GFRA1: variants seen among roughly 807,000 people sequenced by gnomAD.
GFRA1 encodes GDNF family receptor alpha-1.
Under a neutral mutation model 51.6 loss-of-function variants are expected in GFRA1, and 16 were observed. The ratio of observed to expected loss-of-function variants is 0.31; its 90% CI spans 0.21 to 0.47. The LOEUF (loss-of-function observed/expected upper bound fraction) is 0.47, where lower values mean the gene tolerates loss of function less well. Among genes scored for constraint, GFRA1 ranks in the 20% least tolerant of loss-of-function variants. The pLI, the probability that GFRA1 is intolerant of heterozygous loss-of-function variation, is 1.00. For synonymous variants in GFRA1, 270 were observed against 241.3 expected, an observed-to-expected ratio of 1.12 and a Z score of -1.10; for missense variants, 530 against 594.3, an observed-to-expected ratio of 0.89 and a Z score of 1.13.
chr10:116,232,696 A>G (rs1394579692), intron 4 of GFRA1, among the ~76,000 whole-genome samples: 1 of 152,204 alleles, frequency 6.6e-6, no homozygotes, highest in Admixed American at 6.5e-5. Flanking sequence ...ACATATTTTA[A>G]TCATTAAACT....
intron 5 of GFRA1, among the ~76,000 whole-genome samples, chr10:116,199,637 T>C (rs1169124788): frequency 1.3e-5 from 2 of 152,322 alleles, no homozygotes; most frequent in Middle Eastern, 3.4e-3. Flanking sequence ...CATTTCAAAA[T>C]AAATGGCAGA....
chr10:116,065,545 A>C, intron 10 of GFRA1, 28 bp downstream of exon 10: 1 of 1,588,754 alleles, frequency 6.3e-7, no homozygotes, highest in South Asian at 1.1e-5. Flanking sequence ...CTATAAATGC[A>C]CGAAGCCTCC....
rs959515725 is a variant in GFRA1 at position 116,226,236 on chromosome 10, T to C, written c.419-14591A>G. ...CCCTCTGCCAACTGGATCCTTGAAC[T>C]AGGGTAGAAGATGGTCGGCATGGCC... On this transcript the variant is annotated intron_variant, in intron 4 of 10. Coordinates refer to ENST00000355422, the MANE Select transcript of GFRA1 (RefSeq NM_005264.8). Among the ~76,000 whole-genome samples the C allele has an allele frequency of 2.0e-5, 3 of 152,160 alleles. No homozygotes were observed. In the East Asian group the frequency reaches 5.8e-4, roughly 29 times the overall value.
chr10:116,211,841 C>T (rs1415371868), intron 4 of GFRA1, among the ~76,000 whole-genome samples, 196 bp from the exon 5 acceptor site: 2 of 152,180 alleles, frequency 1.3e-5, no homozygotes, highest in Non-Finnish European at 2.9e-5. Context: ...GCATTTCAAT[C>T]CTGGCCTCAC....
At chr10:116,186,146 C>T (rs1000156321) in intron 5 of GFRA1, among the ~76,000 whole-genome samples, 5 of 152,142 alleles carry the variant, frequency 3.3e-5, no homozygotes, top group Admixed American at 1.3e-4. Flanking sequence ...AGAGTGGCAG[C>T]ACAGGGAGGA....
At chr10:116,189,226 G>A (rs761760352) in intron 5 of GFRA1, among the ~76,000 whole-genome samples, 3 of 151,970 alleles carry the variant, frequency 2.0e-5, no homozygotes, top group Non-Finnish European at 2.9e-5. Context: ...CTTCCCCCAC[G>A]AAGGGCAACT....
chr10:116,211,864 T>A (rs1157114956), intron 4 of GFRA1, among the ~76,000 whole-genome samples: 1 of 152,192 alleles, frequency 6.6e-6, no homozygotes, highest in Non-Finnish European at 1.5e-5. Context: ...TTACTAACTC[T>A]GTGACTTACA....
intron 5 of GFRA1, among the ~76,000 whole-genome samples, chr10:116,130,848 T>C (rs1400355412): frequency 6.6e-6 from 1 of 151,926 alleles, no homozygotes; most frequent in Admixed American, 6.6e-5. Context: ...CATAAGATAA[T>C]CTTGGAGCTA....
chr10:116,159,023 C>T (rs1251566864), intron 5 of GFRA1, among the ~76,000 whole-genome samples: 1 of 152,230 alleles, frequency 6.6e-6, no homozygotes, highest in Admixed American at 6.5e-5. Flanking sequence ...CTTTACCATC[C>T]TCTAAGTCAT....
At chr10:116,151,173 T>C (rs1023725971) in intron 5 of GFRA1, among the ~76,000 whole-genome samples, 2 of 152,296 alleles carry the variant, frequency 1.3e-5, no homozygotes, top group African/African-American at 4.8e-5. Context: ...GGAACAGATA[T>C]CAAGGCAAGC....
At chr10:116,090,903 T>TTAAG (rs1196461227) in intron 8 of GFRA1, among the ~76,000 whole-genome samples, 1 of 152,194 alleles carries the variant, frequency 6.6e-6, no homozygotes, top group African/African-American at 2.4e-5. Context: ...TTGTTATCCT[T>TTAAG]TAAGTTCAGT....
Position 116,057,860 on chromosome 10 carries a change from C to T in GFRA1, c.*6538G>A, listed in dbSNP as rs1167005444. ...CAAACTGATTTGGTTCTGCGATTTC[C>T]ATTCTCCTCTCCACATCCGAGAAAT... On this transcript the variant is annotated 3_prime_UTR_variant, in exon 11 of 11. Transcript: ENST00000355422. The T allele has an allele frequency of 6.6e-6, 1 of 151,764 alleles. No homozygotes were observed. Among genetic ancestry groups the T allele is most frequent in the Admixed American group, 6.6e-5 (1 of 15,250 alleles). The allele number at this position is 151,764 out of a possible 1,614,324, so 9.4% of individuals were successfully genotyped here. A position where few individuals can be genotyped will look rare whatever the true frequency, so the allele number is the denominator to read the frequency against.
rs529247195 is a variant in GFRA1, at chr10:116,270,992, C to G, written c.164G>C (p.Gly55Ala). 1 of 1,614,226 alleles carries G rather than the reference C, an allele frequency of 6.2e-7. No individual in the cohort carries two copies. Among genetic ancestry groups the G allele is most frequent in the Non-Finnish European group, 8.5e-7 (1 of 1,180,048 alleles). Residue 55 changes from glycine (G) to alanine (A), a missense_variant, in exon 3 of 11, where the codon GGC becomes GCC. By Grantham distance (60) the Gly-to-Ala change is moderately conservative (BLOSUM62 0). Coordinates refer to ENST00000355422, the MANE Select transcript of GFRA1 (RefSeq NM_005264.8). Reference protein sequence around the residue: ...KYRTLRQCVAGKETNFSLASG... With the variant: ...KYRTLRQCVAAKETNFSLASG... Reference sequence around the variant, plus strand: ...TGCCAGGCTGAAGTTGGTCTCCTTGCCCGCCACGCACTGCCTTAGCGTGCG... The same window carrying G: ...TGCCAGGCTGAAGTTGGTCTCCTTGGCCGCCACGCACTGCCTTAGCGTGCG...
At chr10:116,203,117 C>T (rs997334225) in intron 5 of GFRA1, among the ~76,000 whole-genome samples, 6 of 152,114 alleles carry the variant, frequency 3.9e-5, no homozygotes, top group Non-Finnish European at 7.3e-5. Context: ...AAGAAAGCCA[C>T]TCGTCAATGA....
chr10:116,070,528 T>C (rs1955332548), intron 9 of GFRA1, among the ~76,000 whole-genome samples: 2 of 152,132 alleles, frequency 1.3e-5, no homozygotes, highest in Admixed American at 1.3e-4. Flanking sequence ...CTAATTGAGG[T>C]TAACTGAGCA....
At chr10:116,184,819 G>A (rs993264972) in intron 5 of GFRA1, among the ~76,000 whole-genome samples, 31 of 152,178 alleles carry the variant, frequency 2.0e-4, no homozygotes, top group African/African-American at 7.2e-4. Context: ...CCAGAGCCCT[G>A]GGTAGAGTCT....
chr10:116,122,657 GCTCAATATGGGCTTT>G, intron 6 of GFRA1, among the ~76,000 whole-genome samples: 1 of 152,248 alleles, frequency 6.6e-6, no homozygotes, highest in South Asian at 2.1e-4. Flanking sequence ...CAAATTATCT[GCTCAATATGGGCTTT>G]CTCAATATGT....
chr10:116,130,085 A>T (rs1002673967), intron 5 of GFRA1, among the ~76,000 whole-genome samples: 1 of 137,638 alleles, frequency 7.3e-6, no homozygotes, highest in African/African-American at 3.1e-5. Flanking sequence ...TCAATGAATA[A>T]AAAAAAAAAG....
chr10:116,150,596 T>C (rs1276725428), intron 5 of GFRA1, among the ~76,000 whole-genome samples: 2 of 152,250 alleles, frequency 1.3e-5, no homozygotes, highest in African/African-American at 4.8e-5. Flanking sequence ...TGAGATAACT[T>C]TGCCATGAAA....
Sources: gnomAD v4.1 joint callset for allele counts (sites outside exome capture counted in the v4.1 genomes callset) on GRCh38, gnomAD v4.1.1 for gene constraint, MANE v1.5 for transcripts, NCBI Gene and HGNC (gene_info 2026-07-23, HGNC 2026-07-21) for gene names.